Variants in GAL observed in about 807,000 individuals in gnomAD.
GAL encodes galanin peptides.
Under a neutral mutation model 15.8 loss-of-function variants are expected in GAL, and 14 were observed. The observed-to-expected ratio is 0.89, with a 90% CI of 0.59 to 1.39. The LOEUF is 1.39. Among genes scored for constraint, GAL ranks in the 40% most tolerant of loss-of-function variants. GAL has a pLI of 0.00. For synonymous variants in GAL, 79 were observed against 73.8 expected (o/e 1.07, Z -0.36); for missense variants, 176 against 170.4 (o/e 1.03, Z -0.18).
At chr11:68,690,197 T>C (rs1231836565) in intron 5 of GAL, among the ~76,000 whole-genome samples, 1 of 143,998 alleles carries the variant, frequency 6.9e-6, no homozygotes, top group East Asian at 2.0e-4. Context: ...GCCTCTCCAG[T>C]GGAGAAGACC....
Position 68,685,032 on chromosome 11 carries a change from C to T in GAL, c.81+28C>T, listed in dbSNP as rs373559015. ...AAGTGCGGGGCGCGTCTCCTCCGAG[C>T]GAAGGGGACATCAGAGCCGGCCGGG... On this transcript the variant is annotated intron_variant, in intron 2 of 5. Transcript: ENST00000265643. The T allele has an allele frequency of 2.4e-5, 35 of 1,481,708 alleles. 1 individual carries two copies. Among genetic ancestry groups the T allele is most frequent in the African/African-American group, 1.8e-4 (13 of 72,198 alleles). The allele number at this position is 1,481,708 out of a possible 1,614,324, so 91.8% of individuals were successfully genotyped here. A position where few individuals can be genotyped will look rare whatever the true frequency, so the allele number is the denominator to read the frequency against.
At chr11:68,689,960 G>A (rs935097511) in intron 5 of GAL, among the ~76,000 whole-genome samples, 2 of 152,244 alleles carry the variant, frequency 1.3e-5, no homozygotes, top group African/African-American at 2.4e-5. Context: ...GCCGGAAAGC[G>A]GCCCCGGTGC....
At chr11:68,688,976 C>T (rs372820687) in intron 5 of GAL, 50 bp downstream of exon 5, 93 of 885,766 alleles carry the variant, frequency 1.0e-4, no homozygotes, top group Middle Eastern at 2.2e-4. Context: ...ACACTGGAAA[C>T]GTAAAAGGCC....
At chr11:68,689,121 G>T (rs1945882116) in intron 5 of GAL, among the ~76,000 whole-genome samples, 195 bp downstream of exon 5, 1 of 152,242 alleles carries the variant, frequency 6.6e-6, no homozygotes, top group South Asian at 2.1e-4. Context: ...TGGGATTGCG[G>T]CAGGGGCATT....
Position 68,685,616 on chromosome 11 carries a change from C to T in GAL, c.104C>T (p.Thr35Ile), listed in dbSNP as rs201520007. ...AAGGCCAAGGAAAAACGAGGCTGGA[C>T]CCTGAACAGCGCGGGCTACCTGCTG... is the stretch of plus-strand genomic sequence containing the variant. ...WSPAKEKRGW[T>I]LNSAGYLLGP... Residue 35 changes from threonine to isoleucine, a missense_variant, in exon 3 of 6, where the codon ACC becomes ATC. Transcript: ENST00000265643. 1.2e-6 allele frequency: 2 copies of T among 1,613,618 alleles called. No homozygotes were observed. The highest frequency in any genetic ancestry group is 2.2e-5 in the East Asian group (1 of 44,860).
intron 2 of GAL, among the ~76,000 whole-genome samples, 159 bp from the exon 3 acceptor site, chr11:68,685,435 A>G (rs1189391885): frequency 6.6e-6 from 1 of 152,224 alleles, no homozygotes; most frequent in Non-Finnish European, 1.5e-5. Context: ...TTTCATGTCA[A>G]ATATAGCCGA....
intron 3 of GAL, among the ~76,000 whole-genome samples, chr11:68,686,567 G>A (rs1057437144): frequency 9.2e-5 from 14 of 152,206 alleles, no homozygotes; most frequent in African/African-American, 2.4e-5. Flanking sequence ...TCCTGCAGAC[G>A]CTTGTTTATC....
In GAL at chr11:68,685,605, ACGAGG is replaced by A; in HGVS notation, c.95_99del (p.Arg32LeufsTer38). 6.2e-7 allele frequency: 1 copy of A among 1,613,548 alleles called. No individual in the cohort carries two copies. Among genetic ancestry groups the A allele is most frequent in the Non-Finnish European group, 8.5e-7 (1 of 1,179,512 alleles). On this transcript the variant is annotated frameshift_variant, in exon 3 of 6. Coordinates refer to ENST00000265643, the MANE Select transcript of GAL (RefSeq NM_015973.5). LOFTEE classifies it high-confidence loss of function. ...TTTCTCCCTTCAAGGCCAAGGAAAA[ACGAGG>A]CTGGACCCTGAACAGCGCGGGCTAC...
intron 5 of GAL, 103 bp from the exon 6 acceptor site, chr11:68,690,814 A>G: frequency 2.6e-6 from 2 of 773,954 alleles, no homozygotes; most frequent in Middle Eastern, 2.3e-4. Flanking sequence ...GAATCTTTAC[A>G]GAGGACGACC....
In GAL at chr11:68,685,659, G is replaced by C; in HGVS notation, c.136+11G>C. The C allele has an allele frequency of 6.2e-7, 1 of 1,603,680 alleles. No individual in the cohort carries two copies. Among genetic ancestry groups the C allele is most frequent in the Non-Finnish European group, 8.5e-7 (1 of 1,170,794 alleles). The stretch of plus-strand genomic sequence containing the variant: ...ACCTGCTGGGCCCACGTAAGTGACT[G>C]ACAGCATGGCCTCCCCACTCCTGAC... On this transcript the variant is annotated intron_variant, in intron 3 of 5. Transcript: ENST00000265643.
intron 5 of GAL, among the ~76,000 whole-genome samples, chr11:68,690,700 T>C (rs1451715466): frequency 6.6e-6 from 1 of 152,234 alleles, no homozygotes; most frequent in East Asian, 1.9e-4. Flanking sequence ...AAAGCCTGAA[T>C]TTAAAAGTCT....
Position 68,687,984 on chromosome 11 carries a change from C to T in GAL, c.137-30C>T, listed in dbSNP as rs562193008. On this transcript the variant is annotated intron_variant, in intron 3 of 5. Transcript: ENST00000265643. ...GGAGGGCGTGCATGACAGTCACACC[C>T]AGAGGCTTTCCTCTCTGATCTGCAA... 15 of 1,472,316 alleles carry T rather than the reference C, an allele frequency of 1.0e-5. No homozygotes were observed. In the South Asian group the frequency reaches 1.7e-4, roughly 17 times the overall value. The allele number at this position is 1,472,316 out of a possible 1,614,324, so 91.2% of individuals were successfully genotyped here. A position where few individuals can be genotyped will look rare whatever the true frequency, so the allele number is the denominator to read the frequency against.
intron 3 of GAL, among the ~76,000 whole-genome samples, chr11:68,687,041 CA>C (rs1945860031): frequency 6.6e-6 from 1 of 152,158 alleles, no homozygotes; most frequent in Admixed American, 6.5e-5. Flanking sequence ...AGAAATGCAG[CA>C]AAAGCAATGT....
At position 68,690,995 on chromosome 11, in the gene GAL, C is replaced by T. The variant is rs1422435013; in HGVS notation, c.*8C>T. The T allele has an allele frequency of 6.3e-7, 1 of 1,586,234 alleles. No homozygotes were observed. Among genetic ancestry groups the T allele is most frequent in the Non-Finnish European group, 8.7e-7 (1 of 1,154,616 alleles). On this transcript the variant is annotated 3_prime_UTR_variant, in exon 6 of 6. Coordinates refer to ENST00000265643, the MANE Select transcript of GAL (RefSeq NM_015973.5). ...GACATCGAGCGGTCCTGAGAGCCTC[C>T]TGGGCATGTTTGTCTGTGTGCTGTA...
At chr11:68,688,952 A>C in intron 5 of GAL, 26 bp downstream of exon 5, 1 of 1,058,754 alleles carries the variant, frequency 9.4e-7, no homozygotes, top group South Asian at 1.3e-5. Context: ...TCAACTTAAC[A>C]TTCATCTCTT....
chr11:68,685,410 A>G (rs140301985), intron 2 of GAL, among the ~76,000 whole-genome samples, 184 bp from the exon 3 acceptor site: 1 of 152,364 alleles, frequency 6.6e-6, no homozygotes, highest in East Asian at 1.9e-4. Context: ...TATTTCGTAA[A>G]TAAAGTGGTT....
chr11:68,687,153 G>A (rs1024250000), intron 3 of GAL, among the ~76,000 whole-genome samples: 12 of 152,048 alleles, frequency 7.9e-5, no homozygotes, highest in African/African-American at 2.2e-4. Context: ...CACCAAGAAC[G>A]GCATCTCTGG....
At chr11:68,690,438 G>A (rs931804839) in intron 5 of GAL, among the ~76,000 whole-genome samples, 8 of 152,104 alleles carry the variant, frequency 5.3e-5, no homozygotes, top group Non-Finnish European at 8.8e-5. Context: ...GGAGGGGAGC[G>A]GGGGAAGGAG....
chr11:68,690,783 A>T (rs898467775), intron 5 of GAL, 134 bp from the exon 6 acceptor site: 7 of 674,000 alleles, frequency 1.0e-5, no homozygotes, highest in Non-Finnish European at 1.9e-5. Context: ...GTTGTCCCTG[A>T]TTCTGGGTTT....
Sources: gnomAD v4.1 joint callset for allele counts (sites outside exome capture counted in the v4.1 genomes callset) on GRCh38, gnomAD v4.1.1 for gene constraint, MANE v1.5 for transcripts, NCBI Gene and HGNC (gene_info 2026-07-23, HGNC 2026-07-21) for gene names.